The following IGFBP2 variants were observed in gnomAD, a reference collection of about 807,000 sequenced individuals.
IGFBP2 encodes the protein insulin-like growth factor-binding protein 2.
Under a neutral mutation model 26.2 loss-of-function variants are expected in IGFBP2, and 12 were observed. The ratio of observed to expected loss-of-function variants is 0.46; its 90% CI spans 0.29 to 0.74. The LOEUF (loss-of-function observed/expected upper bound fraction) is 0.74, where lower values mean the gene tolerates loss of function less well. IGFBP2 is among the 30% of genes least tolerant of loss of function. The pLI is 0.09. For synonymous variants in IGFBP2, 189 were observed against 200.6 expected (o/e 0.94, Z 0.49); for missense variants, 328 against 441.2 (o/e 0.74, Z 2.30).
chr2:216,660,478 A>T, intron 1 of IGFBP2, 79 bp from the exon 2 acceptor site: 1 of 1,029,068 alleles, frequency 9.7e-7, no homozygotes, highest in Non-Finnish European at 1.4e-6. Context: ...CATCATCATT[A>T]CGGTCCAGGT....
chr2:216,645,278 G>A (rs1220012319), intron 1 of IGFBP2, among the ~76,000 whole-genome samples: 1 of 152,216 alleles, frequency 6.6e-6, no homozygotes, highest in Non-Finnish European at 1.5e-5. Flanking sequence ...GGCTTTTGCG[G>A]TTGAGTAGGG....
chr2:216,644,390 A>T (rs1359615017), intron 1 of IGFBP2, among the ~76,000 whole-genome samples: 1 of 152,138 alleles, frequency 6.6e-6, no homozygotes, highest in Non-Finnish European at 1.5e-5. Context: ...GTTTCTAATT[A>T]GTGGAGGACG....
intron 3 of IGFBP2, chr2:216,662,266 G>A: frequency 2.0e-6 from 1 of 511,542 alleles, no homozygotes; most frequent in Non-Finnish European, 3.5e-6. Context: ...GGAGGCTCTT[G>A]GAGAAGGGAA....
In IGFBP2 at chr2:216,664,365, A is replaced by G; in HGVS notation, c.*261A>G. ...GGGGAGCTGGGGTACAGGTTTGGGGAGGGGGAAGAGAAATTTTTATTTTTG... is the reference window on the plus strand; with the variant it reads ...GGGGAGCTGGGGTACAGGTTTGGGGGGGGGGAAGAGAAATTTTTATTTTTG... On this transcript the variant is annotated 3_prime_UTR_variant, in exon 4 of 4. Transcript: ENST00000233809. This position sits in a 1 kb window ranked among gnomAD's most constrained non-coding sequence, Gnocchi z 4.6. 2.9e-6 allele frequency: 1 copy of G among 350,050 alleles called. No individual in the cohort carries two copies. The highest frequency in any genetic ancestry group is 5.1e-6 in the Non-Finnish European group (1 of 194,202). The allele number at this position is 350,050 out of a possible 1,614,324, so 21.7% of individuals were successfully genotyped here. A position where few individuals can be genotyped will look rare whatever the true frequency, so the allele number is the denominator to read the frequency against.
At position 216,664,279 on chromosome 2, in the gene IGFBP2, AG is replaced by A; in HGVS notation, c.*176del. ...GCACCTCCCCGGCCTCTCTCTTCCC[AG>A]CTGCAGATGCCACACCTGCTCCTTC... On this transcript the variant is annotated 3_prime_UTR_variant, in exon 4 of 4. Transcript: ENST00000233809. This position sits in a 1 kb window ranked among gnomAD's most constrained non-coding sequence, Gnocchi z 4.6. 6 of 484,036 alleles carry A rather than the reference AG, an allele frequency of 1.2e-5. No homozygotes were observed. Among genetic ancestry groups the A allele is most frequent in the South Asian group, 4.5e-5 (1 of 22,126 alleles). The allele number at this position is 484,036 out of a possible 1,614,324, so 30.0% of individuals were successfully genotyped here.
chr2:216,663,835 G>A lies in IGFBP2; in HGVS notation c.814-105G>A, dbSNP rs546831330. On this transcript the variant is annotated intron_variant, in intron 3 of 3. Coordinates refer to ENST00000233809, the MANE Select transcript of IGFBP2 (RefSeq NM_000597.3). ...AAGTTGCGAAGCTCCACCCGGCAGCGCATGGGTAGCTGCAAGGGGTGGCTG... is the reference window on the plus strand; with the variant it reads ...AAGTTGCGAAGCTCCACCCGGCAGCACATGGGTAGCTGCAAGGGGTGGCTG... 1.1e-4 allele frequency: 134 copies of A among 1,222,586 alleles called. 1 individual carries two copies. The South Asian group carries it at 1.9e-3, about 17-fold the overall frequency. 75.7% of individuals were successfully genotyped at this position (1,222,586 alleles called of 1,614,324 possible).
At chr2:216,647,232 GAAAAA>G (rs1032323836) in intron 1 of IGFBP2, among the ~76,000 whole-genome samples, 2 of 148,146 alleles carry the variant, frequency 1.4e-5, no homozygotes, top group African/African-American at 4.9e-5. Flanking sequence ...AGTCTTGGAA[GAAAAA>G]AAAAAGCAGT....
chr2:216,636,843 G>A (rs1372634065), intron 1 of IGFBP2, among the ~76,000 whole-genome samples: 1 of 151,906 alleles, frequency 6.6e-6, no homozygotes, highest in Non-Finnish European at 1.5e-5. Context: ...CCGAGTGGCC[G>A]TTTGGCCCGC....
Position 216,647,806 on chromosome 2 carries a change from C to T in IGFBP2, c.443-12751C>T, listed in dbSNP as rs1198032906. Among the ~76,000 whole-genome samples the T allele has an allele frequency of 2.0e-5, 3 of 152,298 alleles. No homozygotes were observed. In the East Asian group the frequency reaches 5.8e-4, roughly 29 times the overall value. ...AAGTGCTGGGATTACAGGGGTGAGC[C>T]ACTGCGCCCGGCCCTTATTTATTTG... is the stretch of plus-strand genomic sequence containing the variant. On this transcript the variant is annotated intron_variant, in intron 1 of 3. Coordinates refer to ENST00000233809, the MANE Select transcript of IGFBP2 (RefSeq NM_000597.3).
chr2:216,648,651 C>T (rs1452317357), intron 1 of IGFBP2, among the ~76,000 whole-genome samples: 1 of 151,966 alleles, frequency 6.6e-6, no homozygotes, highest in Non-Finnish European at 1.5e-5. Flanking sequence ...ACTCTGTCAC[C>T]CAGGCTGGAG....
intron 1 of IGFBP2, among the ~76,000 whole-genome samples, chr2:216,644,525 T>C (rs1697674257): frequency 6.6e-6 from 1 of 152,058 alleles, no homozygotes; most frequent in Non-Finnish European, 1.5e-5. Flanking sequence ...ACCTACTCAG[T>C]GTGTTCCATC....
chr2:216,650,437 C>T (rs114704247), intron 1 of IGFBP2, among the ~76,000 whole-genome samples: 10 of 152,330 alleles, frequency 6.6e-5, no homozygotes, highest in Non-Finnish European at 1.2e-4. Context: ...AAAGCTGGTG[C>T]TCCAAAGGAA....
rs989392534 is a variant in IGFBP2, at chr2:216,664,157, C to T, written c.*53C>T. Reference sequence around the variant, plus strand: ...CTGCCCCCCGCCCCTCTCCAAACACCGGCAGAAAACGGAGAGTGCTTGGGT... The same window carrying T: ...CTGCCCCCCGCCCCTCTCCAAACACTGGCAGAAAACGGAGAGTGCTTGGGT... On this transcript the variant is annotated 3_prime_UTR_variant, in exon 4 of 4. Transcript: ENST00000233809. This position sits in a 1 kb window ranked among gnomAD's most constrained non-coding sequence, Gnocchi z 4.6. The T allele has an allele frequency of 7.1e-6, 10 of 1,408,544 alleles. No homozygotes were observed. Among genetic ancestry groups the T allele is most frequent in the Admixed American group, 2.4e-5 (1 of 41,014 alleles). The allele number at this position is 1,408,544 out of a possible 1,614,324, so 87.3% of individuals were successfully genotyped here.
At chr2:216,657,000 G>A (rs1472249054) in intron 1 of IGFBP2, among the ~76,000 whole-genome samples, 1 of 152,122 alleles carries the variant, frequency 6.6e-6, no homozygotes, top group Non-Finnish European at 1.5e-5. Context: ...TGATGCCAAG[G>A]GTGATCTCAG....
At chr2:216,655,077 T>G (rs1697892760) in intron 1 of IGFBP2, among the ~76,000 whole-genome samples, 1 of 152,176 alleles carries the variant, frequency 6.6e-6, no homozygotes, top group African/African-American at 2.4e-5. Flanking sequence ...AGACAGGGGC[T>G]CACTCTGTCA....
intron 1 of IGFBP2, among the ~76,000 whole-genome samples, chr2:216,655,544 A>G (rs1181361631): frequency 6.6e-6 from 1 of 152,208 alleles, no homozygotes; most frequent in Non-Finnish European, 1.5e-5. Flanking sequence ...CTGTGAGTCA[A>G]TTAAAGCTCT....
intron 1 of IGFBP2, among the ~76,000 whole-genome samples, chr2:216,637,745 T>TCTTG (rs1259039762): frequency 6.6e-6 from 1 of 152,174 alleles, no homozygotes; most frequent in Middle Eastern, 3.2e-3. Context: ...ACACAATGGC[T>TCTTG]CTTGGCCAAG....
chr2:216,662,023 A>G (rs778434786), intron 3 of IGFBP2, 25 bp downstream of exon 3: 6 of 1,612,346 alleles, frequency 3.7e-6, no homozygotes, highest in Non-Finnish European at 5.1e-6. Context: ...AGCCTGGGCC[A>G]GAGCAGCTCC....
chr2:216,656,207 A>G (rs1697920282), intron 1 of IGFBP2, among the ~76,000 whole-genome samples: 2 of 152,092 alleles, frequency 1.3e-5, no homozygotes, highest in Admixed American at 6.5e-5. Flanking sequence ...GACGCAGCCA[A>G]GGGATGGTTC....
Sources: allele counts gnomAD v4.1 joint callset (sites outside exome capture counted in the v4.1 genomes callset), GRCh38; gene constraint gnomAD v4.1.1; non-coding constraint Gnocchi (gnomAD v3.1); transcripts MANE v1.5; gene names NCBI Gene and HGNC (gene_info 2026-07-23, HGNC 2026-07-21).